BICRAL: variants seen among roughly 807,000 people sequenced by gnomAD.
BICRAL encodes BRD4-interacting chromatin-remodeling complex-associated protein-like.
A neutral mutation model predicts 91.8 loss-of-function variants in BICRAL; 8 were observed. The observed-to-expected ratio is 0.09, with a 90% CI of 0.05 to 0.16. BICRAL has a LOEUF of 0.16. Ranked by LOEUF, BICRAL falls within the 10% of genes least tolerant of loss-of-function variation. BICRAL has a pLI of 1.00. For synonymous variants in BICRAL, 445 were observed against 491.1 expected (o/e 0.91, Z 1.24); for missense variants, 1,038 against 1,310.9 (o/e 0.79, Z 3.21).
At chr6:42,814,517 ATATTTT>A (rs1191977974) in intron 2 of BICRAL, among the ~76,000 whole-genome samples, 2 of 90,674 alleles carry the variant, frequency 2.2e-5, no homozygotes, top group Non-Finnish European at 4.2e-5. Context: ...ATATATATAT[ATATTTT>A]TTTTTTTTTT....
At chr6:42,788,700 G>C (rs1763176808) in intron 1 of BICRAL, among the ~76,000 whole-genome samples, 1 of 152,196 alleles carries the variant, frequency 6.6e-6, no homozygotes, top group South Asian at 2.1e-4. Context: ...TCTGAGGCAA[G>C]GCCGGTGACT....
chr6:42,799,225 A>G (rs1763498687), intron 1 of BICRAL, among the ~76,000 whole-genome samples: 1 of 151,520 alleles, frequency 6.6e-6, no homozygotes, highest in South Asian at 2.1e-4. Context: ...TTTATATCAC[A>G]TTATACTAGC....
rs761169254 is a variant in BICRAL, at chr6:42,829,797, T to C, written c.1464T>C (p.Asn488=). The C allele has an allele frequency of 1.9e-6, 3 of 1,614,210 alleles. No homozygotes were observed. Among genetic ancestry groups the C allele is most frequent in the Non-Finnish European group, 2.5e-6 (3 of 1,180,036 alleles). The change falls in exon 6 of 13, where the codon AAT becomes AAC. Residue 488 remains asparagine, a synonymous_variant. Transcript: ENST00000314073. The part of the protein sequence containing the change: ...FAASGSPVIA[N]HASPQLVGGQ... ...CCTCTGGAAGTCCAGTGATAGCCAA[T>C]CATGCCTCTCCTCAGCTTGTGGGTG... is the stretch of plus-strand genomic sequence containing the variant.
At chr6:42,840,266 A>T (rs186558770) in intron 6 of BICRAL, among the ~76,000 whole-genome samples, 456 of 151,938 alleles carry the variant, frequency 3.0e-3, no homozygotes, top group African/African-American at 0.01. Context: ...TTTTTGAGAC[A>T]GAGTCTCGCT....
intron 2 of BICRAL, among the ~76,000 whole-genome samples, chr6:42,817,566 C>G (rs57727791): frequency 0.014 from 2,151 of 151,658 alleles, 47 homozygotes; most frequent in African/African-American, 0.05. Flanking sequence ...GCCTTGACCT[C>G]CTACGCTCAA....
chr6:42,830,034 A>G lies in BICRAL; in HGVS notation c.1701A>G (p.Thr567=). The G allele has an allele frequency of 2.5e-6, 4 of 1,614,066 alleles. No homozygotes were observed. Among genetic ancestry groups the G allele is most frequent in the Non-Finnish European group, 3.4e-6 (4 of 1,179,932 alleles). The change falls in exon 6 of 13, where the codon ACA becomes ACG. Residue 567 remains threonine (T), a synonymous_variant. Coordinates refer to ENST00000314073, the MANE Select transcript of BICRAL (RefSeq NM_001393499.1). ...CTGGTTCATCAGGATCAAACTTTAC[A>G]GGAGATCAGCTGACCCAGCCAAACA... The part of the protein sequence containing the change: ...VQSGSSGSNF[T]GDQLTQPNRT...
intron 1 of BICRAL, among the ~76,000 whole-genome samples, chr6:42,799,845 A>G (rs1763517040): frequency 6.6e-6 from 1 of 152,002 alleles, no homozygotes; most frequent in Non-Finnish European, 1.5e-5. Flanking sequence ...TGCTACAAAT[A>G]TATTTGTCCA....
chr6:42,818,487 T>A (rs1310176198), intron 2 of BICRAL, among the ~76,000 whole-genome samples: 1 of 152,158 alleles, frequency 6.6e-6, no homozygotes, highest in Non-Finnish European at 1.5e-5. Flanking sequence ...AGTGGAGGTA[T>A]TTTTCTTAGT....
Position 42,865,243 on chromosome 6 carries a change from A to G in BICRAL, c.3037A>G (p.Asn1013Asp). 6.2e-7 allele frequency: 1 copy of G among 1,614,106 alleles called. No homozygotes were observed. Among genetic ancestry groups the G allele is most frequent in the South Asian group, 1.1e-5 (1 of 91,078 alleles). The change falls in exon 13 of 13, where the codon AAC (asparagine) becomes GAC (aspartate). Residue 1013 changes from asparagine (N) to aspartate (D), a missense_variant. This residue lies in a region of BICRAL where 92 missense variants were observed against 147.8 expected (regional missense o/e 0.62). Coordinates refer to ENST00000314073, the MANE Select transcript of BICRAL (RefSeq NM_001393499.1). Reference sequence around the variant, plus strand: ...AAAGAGCTTGGAAACCACATTTAAGAACATCTTGGAACTCAAAAAGGCGGG... The same window carrying G: ...AAAGAGCTTGGAAACCACATTTAAGGACATCTTGGAACTCAAAAAGGCGGG... ...LTKSLETTFK[N>D]ILELKKAGRQ... is the part of the protein sequence containing the mutation.
chr6:42,754,380 G>A (rs1380824513), intron 1 of BICRAL, among the ~76,000 whole-genome samples: 1 of 151,686 alleles, frequency 6.6e-6, no homozygotes, highest in East Asian at 1.9e-4. Flanking sequence ...CACTGTGTTA[G>A]TCAGGATGGT....
Position 42,784,368 on chromosome 6 carries a change from T to G in BICRAL, c.-102+2267T>G, listed in dbSNP as rs574136929. 4.5e-4 allele frequency among the ~76,000 whole-genome samples: 68 copies of G among 152,312 alleles called. 1 individual carries two copies. The highest frequency in any genetic ancestry group is 7.6e-4 in the Non-Finnish European group (52 of 68,026). On this transcript the variant is annotated intron_variant, in intron 1 of 12. Coordinates refer to ENST00000314073, the MANE Select transcript of BICRAL (RefSeq NM_001393499.1). ...AGGGGAAAGGTCTATAAAGCTCTGA[T>G]CTCTCTAGAAGTCCACATACATGGA...
chr6:42,794,073 G>C (rs893288074), intron 1 of BICRAL, among the ~76,000 whole-genome samples: 1 of 151,252 alleles, frequency 6.6e-6, no homozygotes, highest in African/African-American at 2.4e-5. Flanking sequence ...TGAGACAGGG[G>C]CTCGCTGTGT....
rs946495234 is a variant in BICRAL at position 42,808,106 on chromosome 6, T to C, written c.-101-2200T>C. On this transcript the variant is annotated intron_variant, in intron 1 of 12. Transcript: ENST00000314073. ...ATGAAGACAAATATGATGAGATTCCTGTTTTTGAGGGTAGTACTATAATAT... is the reference window on the plus strand; with the variant it reads ...ATGAAGACAAATATGATGAGATTCCCGTTTTTGAGGGTAGTACTATAATAT... Among the ~76,000 whole-genome samples, 38 of 152,060 alleles carry C rather than the reference T, an allele frequency of 2.5e-4. No individual in the cohort carries two copies. In the Middle Eastern group the frequency reaches 0.017, roughly 68 times the overall value.
At chr6:42,805,685 A>C (rs1216729993) in intron 1 of BICRAL, among the ~76,000 whole-genome samples, 1 of 152,132 alleles carries the variant, frequency 6.6e-6, no homozygotes, top group Non-Finnish European at 1.5e-5. Context: ...TTCTAATGTA[A>C]ATATGAGTCA....
chr6:42,857,319 C>T, intron 10 of BICRAL, 83 bp downstream of exon 10: 1 of 1,120,516 alleles, frequency 8.9e-7, no homozygotes, highest in Non-Finnish European at 1.3e-6. Flanking sequence ...AGAGCCACAT[C>T]ACCCCCAGAT....
chr6:42,785,113 C>T (rs538083401), intron 1 of BICRAL, among the ~76,000 whole-genome samples: 23 of 152,044 alleles, frequency 1.5e-4, no homozygotes, highest in African/African-American at 2.4e-4. Context: ...AAATTATTTC[C>T]TCAGAGAAAA....
chr6:42,822,128 C>A, intron 3 of BICRAL, 65 bp downstream of exon 3: 1 of 940,928 alleles, frequency 1.1e-6, no homozygotes, highest in East Asian at 2.4e-5. Context: ...ACTAAGACAA[C>A]CTAATAGCAT....
At chr6:42,810,911 T>G (rs987597216) in intron 2 of BICRAL, among the ~76,000 whole-genome samples, 1 of 152,174 alleles carries the variant, frequency 6.6e-6, no homozygotes, top group Non-Finnish European at 1.5e-5. Context: ...AGGAGAAAAC[T>G]GTATAAACAA....
chr6:42,782,769 G>C (rs1308595831), intron 1 of BICRAL, among the ~76,000 whole-genome samples: 2 of 151,934 alleles, frequency 1.3e-5, no homozygotes, highest in African/African-American at 4.8e-5. Context: ...GAAGGAGGGA[G>C]CAGGGCTCGG....
Sources: allele counts gnomAD v4.1 joint callset (sites outside exome capture counted in the v4.1 genomes callset), GRCh38; gene constraint gnomAD v4.1.1; regional missense constraint gnomAD v4.1.1; transcripts MANE v1.5; gene names NCBI Gene and HGNC (gene_info 2026-07-23, HGNC 2026-07-21).